Variants in DOT1L observed in about 807,000 individuals in gnomAD.
DOT1L encodes the protein DOT1 like histone lysine methyltransferase, also known as histone-lysine N-methyltransferase, H3 lysine-79 specific.
In DOT1L, 33 loss-of-function variants were observed where a neutral mutation model predicts 153.3. The ratio of observed to expected loss-of-function variants is 0.22; its 90% CI spans 0.16 to 0.29. The LOEUF is 0.29. Ranked by LOEUF, DOT1L falls within the 10% of genes least tolerant of loss-of-function variation. The probability of loss-of-function intolerance (pLI) is 1.00; values close to 1 mark genes in which losing one functional copy is unlikely to be tolerated. For missense variants in DOT1L, 1,847 were observed against 2,119.9 expected (o/e 0.87, Z 2.53); for synonymous variants, 1,135 against 965.1 (o/e 1.18, Z -3.26).
At position 2,194,499 on chromosome 19, in the gene DOT1L, G is replaced by C. The variant is rs779986018; in HGVS notation, c.589-16G>C. Reference sequence around the variant, plus strand: ...CCTGAGAGTTTGTAACGGGCGTTTGGTTTCTTTCCTTCCAGACCATGGACC... The same window carrying C: ...CCTGAGAGTTTGTAACGGGCGTTTGCTTTCTTTCCTTCCAGACCATGGACC... On this transcript the variant is annotated splice_polypyrimidine_tract_variant and intron_variant, in intron 6 of 27. Coordinates refer to ENST00000398665, the MANE Select transcript of DOT1L (RefSeq NM_032482.3). The C allele has an allele frequency of 1.9e-6, 3 of 1,613,932 alleles. No individual in the cohort carries two copies. The South Asian group carries it at 3.3e-5, about 18-fold the overall frequency.
intron 7 of DOT1L, among the ~76,000 whole-genome samples, chr19:2,195,670 T>A (rs1042530056): frequency 6.6e-6 from 1 of 152,048 alleles, no homozygotes; most frequent in African/African-American, 2.4e-5. Flanking sequence ...GAAGGAGTGC[T>A]GGGTGGGGCG....
rs1035947634 is a variant in DOT1L, at chr19:2,230,666, G to C, written c.*874G>C. ...TGGCAGTATTTTATAGAGATGTGAT[G>C]AGAATTTATAAATTTCATAGATTTG... is the stretch of plus-strand genomic sequence containing the variant. On this transcript the variant is annotated 3_prime_UTR_variant, in exon 28 of 28. Transcript: ENST00000398665. The C allele has an allele frequency of 7.5e-6, 3 of 398,368 alleles. No homozygotes were observed. The highest frequency in any genetic ancestry group is 8.8e-5 in the Admixed American group (2 of 22,746). 24.7% of individuals were successfully genotyped at this position (398,368 alleles called of 1,614,324 possible). A position where few individuals can be genotyped will look rare whatever the true frequency, so the allele number is the denominator to read the frequency against.
rs2022722926 is a variant in DOT1L, at chr19:2,190,018, T to G, written c.264+223T>G. Among the ~76,000 whole-genome samples the G allele has an allele frequency of 6.6e-6, 1 of 152,168 alleles. No homozygotes were observed. Among genetic ancestry groups the G allele is most frequent in the African/African-American group, 2.4e-5 (1 of 41,430 alleles). ...TGCCAAAGCAGAGCCGTCCGTGGTT[T>G]GTGTGCTGAGGCAGGGCCCTGAGGG... On this transcript the variant is annotated intron_variant, in intron 4 of 27. Transcript: ENST00000398665. The surrounding 1 kb of genome is among the most constrained non-coding windows in gnomAD (Gnocchi z 4.8).
chr19:2,220,123 C>T lies in DOT1L; in HGVS notation c.2707C>T (p.Pro903Ser), dbSNP rs1228761124. ...CTCTCTGCAGAGGAGCACCCCCAGT[C>T]CCGTGCTGCAGCCCCGTGACCCCTC... The part of the protein sequence containing the change: ...RAERARSTPS[P>S]VLQPRDPSST... The change falls in exon 23 of 28, where the codon CCC becomes TCC. Residue 903 changes from proline to serine, a missense_variant. This residue lies in a region of DOT1L where 68 missense variants were observed against 80.7 expected (regional missense o/e 0.84). Transcript: ENST00000398665. This position sits in a 1 kb window ranked among gnomAD's most constrained non-coding sequence, Gnocchi z 4.5. 3 of 1,610,852 alleles carry T rather than the reference C, an allele frequency of 1.9e-6. No homozygotes were observed. In the Admixed American group the frequency reaches 5.0e-5, roughly 27 times the overall value.
At position 2,188,716 on chromosome 19, in the gene DOT1L, C is replaced by A. The variant is rs566858030; in HGVS notation, c.201-1016C>A. Among the ~76,000 whole-genome samples, 37 of 152,328 alleles carry A rather than the reference C, an allele frequency of 2.4e-4. 1 individual carries two copies. The highest frequency in any genetic ancestry group is 8.7e-4 in the African/African-American group (36 of 41,568). ...CCTGTCTCTTGCTCTGCTCTGGACA[C>A]CTTCTGAGGTGGAGGGACAGACGCT... On this transcript the variant is annotated intron_variant, in intron 3 of 27. Coordinates refer to ENST00000398665, the MANE Select transcript of DOT1L (RefSeq NM_032482.3).
chr19:2,212,005 A>C, intron 16 of DOT1L, 163 bp downstream of exon 16: 3 of 627,902 alleles, frequency 4.8e-6, no homozygotes, highest in Non-Finnish European at 8.0e-6. Flanking sequence ...TTTAAACCCA[A>C]AGAATGGACT....
rs1443977943 is a variant in DOT1L, at chr19:2,164,220, C to A, written c.36C>A (p.Pro12=). The part of the protein sequence containing the change: ...GEKLELRLKS[P]VGAEPAVYPW... ...AGCTGGAGCTGAGACTGAAGTCGCCCGTGGGGGCTGAGCCCGCCGTCTACC... is the reference window on the plus strand; with the variant it reads ...AGCTGGAGCTGAGACTGAAGTCGCCAGTGGGGGCTGAGCCCGCCGTCTACC... The change falls in exon 1 of 28, where the codon CCC becomes CCA. Residue 12 remains proline (P), a synonymous_variant. Coordinates refer to ENST00000398665, the MANE Select transcript of DOT1L (RefSeq NM_032482.3). 7.8e-7 allele frequency: 1 copy of A among 1,287,132 alleles called. No individual in the cohort carries two copies. Among genetic ancestry groups the A allele is most frequent in the East Asian group, 3.0e-5 (1 of 33,520 alleles). 79.7% of individuals were successfully genotyped at this position (1,287,132 alleles called of 1,614,324 possible).
intron 25 of DOT1L, among the ~76,000 whole-genome samples, chr19:2,223,914 C>A (rs779030538): frequency 3.7e-4 from 57 of 152,300 alleles, no homozygotes; most frequent in Non-Finnish European, 4.1e-4. Context: ...CTGCCTAAAT[C>A]CAGAACCTTC....
At chr19:2,219,980 G>T in intron 22 of DOT1L, 128 bp from the exon 23 acceptor site, 1 of 759,968 alleles carries the variant, frequency 1.3e-6, no homozygotes, top group Non-Finnish European at 2.1e-6. Flanking sequence ...CTTCCCACGC[G>T]GTACTGGACG....
At chr19:2,199,283 G>A (rs1474377305) in intron 7 of DOT1L, among the ~76,000 whole-genome samples, 1 of 152,208 alleles carries the variant, frequency 6.6e-6, no homozygotes, top group Non-Finnish European at 1.5e-5. Context: ...GGCCGTCAGC[G>A]GTGCTCAGGG....
intron 16 of DOT1L, 163 bp downstream of exon 16, chr19:2,212,005 A>G: frequency 4.8e-6 from 3 of 627,902 alleles, no homozygotes; most frequent in South Asian, 4.2e-5. Context: ...TTTAAACCCA[A>G]AGAATGGACT....
rs979058603 is a variant in DOT1L, at chr19:2,204,115, CTG to C, written c.787+1340_787+1341del. 2.0e-5 allele frequency among the ~76,000 whole-genome samples: 3 copies of C among 151,682 alleles called. No individual in the cohort carries two copies. The highest frequency in any genetic ancestry group is 2.0e-4 in the Admixed American group (3 of 15,236). On this transcript the variant is annotated intron_variant, in intron 9 of 27. Transcript: ENST00000398665. This position sits in a 1 kb window ranked among gnomAD's most constrained non-coding sequence, Gnocchi z 5.7. ...TGTGCCTGTGTCTGTGTGTGCGTGT[CTG>C]TGTCTCTGTGCATGCCTGTGTCTCT...
chr19:2,167,436 T>C (rs955811245), intron 1 of DOT1L, among the ~76,000 whole-genome samples: 4 of 152,178 alleles, frequency 2.6e-5, no homozygotes, highest in Non-Finnish European at 5.9e-5. Flanking sequence ...AGTGCTCCAT[T>C]GTAAATAGTA....
Position 2,164,029 on chromosome 19 carries a change from G to A in DOT1L, c.-156G>A. 3.2e-6 allele frequency: 1 copy of A among 314,498 alleles called. No individual in the cohort carries two copies. The highest frequency in any genetic ancestry group is 4.9e-6 in the Non-Finnish European group (1 of 203,290). The allele number at this position is 314,498 out of a possible 1,614,324, so 19.5% of individuals were successfully genotyped here. On this transcript the variant is annotated 5_prime_UTR_variant, in exon 1 of 28. Transcript: ENST00000398665. ...GAGTCGGGGGCCGGGCCGGACCGGA[G>A]CGCGGCGGCGGCGGCGGCGGCGGCC...
chr19:2,208,280 TTTGG>T lies in DOT1L; in HGVS notation c.963+605_963+608del, dbSNP rs1270101199. Among the ~76,000 whole-genome samples, 1 of 152,090 alleles carries T rather than the reference TTTGG, an allele frequency of 6.6e-6. No individual in the cohort carries two copies. The highest frequency in any genetic ancestry group is 1.5e-5 in the Non-Finnish European group (1 of 67,996). On this transcript the variant is annotated intron_variant, in intron 11 of 27. Coordinates refer to ENST00000398665, the MANE Select transcript of DOT1L (RefSeq NM_032482.3). This position sits in a 1 kb window ranked among gnomAD's most constrained non-coding sequence, Gnocchi z 4.4. ...GCTTCCCCTGGTCTCTTTCCCGTCC[TTTGG>T]TTGGGCACTCTGTTCCTGTTGTTGG...
At chr19:2,216,100 A>T in intron 19 of DOT1L, 181 bp from the exon 20 acceptor site, 1 of 773,514 alleles carries the variant, frequency 1.3e-6, no homozygotes, top group Non-Finnish European at 2.0e-6. Flanking sequence ...CCTCCACATG[A>T]CTTTATTTGA....
At chr19:2,180,670 G>A in intron 1 of DOT1L, 43 bp from the exon 2 acceptor site, 2 of 1,612,382 alleles carry the variant, frequency 1.2e-6, no homozygotes, top group East Asian at 2.2e-5. Flanking sequence ...GGCTCACGGG[G>A]TGGAGGATGG....
In DOT1L at chr19:2,226,949, C is replaced by A; in HGVS notation, c.4428C>A (p.Leu1476=). 6.3e-7 allele frequency: 1 copy of A among 1,586,614 alleles called. No homozygotes were observed. The highest frequency in any genetic ancestry group is 1.7e-5 in the Admixed American group (1 of 58,550). The part of the protein sequence containing the change: ...GPFPPGPQFA[L]GPMSLQANLG... ...TCCCGCCGGGACCGCAGTTCGCGCT[C>A]GGCCCCATGTCCCTGCAGGCCAACC... The change falls in exon 27 of 28, where the codon CTC becomes CTA. Residue 1476 remains leucine, a synonymous_variant. Transcript: ENST00000398665.
chr19:2,215,963 G>T (rs1251656023), intron 19 of DOT1L: 2 of 295,956 alleles, frequency 6.8e-6, no homozygotes, highest in African/African-American at 2.2e-5. Flanking sequence ...TCCCTCCACA[G>T]GTTTTACACT....
Sources: allele counts gnomAD v4.1 joint callset (sites outside exome capture counted in the v4.1 genomes callset), GRCh38; gene constraint gnomAD v4.1.1; regional missense constraint gnomAD v4.1.1; non-coding constraint Gnocchi (gnomAD v3.1); transcripts MANE v1.5; gene names NCBI Gene and HGNC (gene_info 2026-07-23, HGNC 2026-07-21).